TMEM30A: variants seen among roughly 807,000 people sequenced by gnomAD.
TMEM30A encodes the protein cell cycle control protein 50A.
A neutral mutation model predicts 38.2 loss-of-function variants in TMEM30A; 24 were observed. The observed-to-expected ratio is 0.63, with a 90% confidence interval of 0.46 to 0.88. TMEM30A has a LOEUF of 0.88. Ranked by LOEUF, TMEM30A falls within the 40% of genes least tolerant of loss-of-function variation. TMEM30A has a pLI of 0.00. For synonymous variants in TMEM30A, 145 were observed against 161.6 expected (o/e 0.90, Z 0.78); for missense variants, 370 against 458.6 (o/e 0.81, Z 1.77).
chr6:75,262,229 C>A (rs570136473), intron 3 of TMEM30A, among the ~76,000 whole-genome samples: 1 of 152,092 alleles, frequency 6.6e-6, no homozygotes, highest in Non-Finnish European at 1.5e-5. Flanking sequence ...CACCTTTAGT[C>A]CCAACTACTT....
In TMEM30A at chr6:75,267,746, A is replaced by C. The variant is rs1327863680; in HGVS notation, c.240T>G (p.Ile80Met). ...TGGAAGGCTCTGTTCCGGTATAATCAATCTGCAAGAGAAAAATATAACTAA... is the reference window on the plus strand; with the variant it reads ...TGGAAGGCTCTGTTCCGGTATAATCCATCTGCAAGAGAAAAATATAACTAA... ...VTSNNIREIE[I>M]DYTGTEPSSP... Residue 80 changes from isoleucine (I) to methionine (M), a missense_variant and splice_region_variant, in exon 2 of 7, where the codon ATT becomes ATG. Ile to Met is a conservative substitution (Grantham distance 10). Transcript: ENST00000230461. 1 of 1,587,436 alleles carries C rather than the reference A, an allele frequency of 6.3e-7. No homozygotes were observed. The highest frequency in any genetic ancestry group is 8.6e-7 in the Non-Finnish European group (1 of 1,167,084).
intron 1 of TMEM30A, among the ~76,000 whole-genome samples, 163 bp from the exon 2 acceptor site, chr6:75,267,911 A>C (rs187541963): frequency 6.6e-6 from 1 of 152,336 alleles, no homozygotes. Context: ...TGAGGTAGTA[A>C]AAACTGGAAA....
In TMEM30A at chr6:75,265,228, TA is replaced by T. The variant is rs1352266058; in HGVS notation, c.453+2del. ...ATATTTTCATATTTATCATTTTACT[TA>T]CAAGCAAAGCACTAGAATCTCCATT... is the stretch of plus-strand genomic sequence containing the variant. On this transcript the variant is annotated splice_donor_variant, in intron 3 of 6. Transcript: ENST00000230461. LOFTEE classifies it high-confidence loss of function. 6.4e-6 allele frequency: 10 copies of T among 1,551,032 alleles called. No individual in the cohort carries two copies. Among genetic ancestry groups the T allele is most frequent in the Non-Finnish European group, 7.9e-6 (9 of 1,133,476 alleles).
chr6:75,256,620 C>T, intron 6 of TMEM30A: 1 of 358,592 alleles, frequency 2.8e-6, no homozygotes, highest in Non-Finnish European at 5.3e-6. Context: ...GAAAAAAATA[C>T]TTCAAGTGAA....
intron 1 of TMEM30A, 129 bp downstream of exon 1, chr6:75,284,273 G>C: frequency 1.2e-6 from 1 of 834,194 alleles, no homozygotes; most frequent in Non-Finnish European, 2.0e-6. Flanking sequence ...GAAACAGAGG[G>C]AAGGGGGTGG....
At chr6:75,281,918 C>T (rs1311753522) in intron 1 of TMEM30A, among the ~76,000 whole-genome samples, 1 of 152,128 alleles carries the variant, frequency 6.6e-6, no homozygotes, top group Non-Finnish European at 1.5e-5. Context: ...AGACACAATT[C>T]AGAAGCATTT....
intron 6 of TMEM30A, among the ~76,000 whole-genome samples, chr6:75,257,198 GATACAGTATCAAA>G (rs1341292557): frequency 1.3e-5 from 2 of 152,050 alleles, no homozygotes; most frequent in Non-Finnish European, 2.9e-5. Flanking sequence ...CATTCTGTGG[GATACAGTATCAAA>G]TTACCCATGC....
intron 1 of TMEM30A, among the ~76,000 whole-genome samples, chr6:75,268,722 G>A (rs1772113713): frequency 6.6e-6 from 1 of 152,180 alleles, no homozygotes; most frequent in South Asian, 2.1e-4. Context: ...TCTGAAGTGA[G>A]GGAAATCTTA....
chr6:75,279,829 T>G (rs1772328087), intron 1 of TMEM30A, among the ~76,000 whole-genome samples: 1 of 152,198 alleles, frequency 6.6e-6, no homozygotes, highest in South Asian at 2.1e-4. Flanking sequence ...GGAAAACGAC[T>G]GGAAAACTTC....
rs1267754067 is a variant in TMEM30A, at chr6:75,284,735, C to G, written c.-97G>C. The G allele has an allele frequency of 8.0e-7, 1 of 1,254,522 alleles. No homozygotes were observed. Among genetic ancestry groups the G allele is most frequent in the Non-Finnish European group, 1.1e-6 (1 of 872,146 alleles). The allele number at this position is 1,254,522 out of a possible 1,614,324, so 77.7% of individuals were successfully genotyped here. ...AACCGCTCGAGCGCCGCTGCCGCCG[C>G]CGCCGCCGCAGCCACCAGCGCCACC... On this transcript the variant is annotated 5_prime_UTR_variant, in exon 1 of 7. Coordinates refer to ENST00000230461, the MANE Select transcript of TMEM30A (RefSeq NM_018247.4).
chr6:75,254,235 G>A lies in TMEM30A; in HGVS notation c.*1867C>T, dbSNP rs381141. The A allele has an allele frequency of 0.92, 139,356 of 152,086 alleles. 64,070 individuals carry two copies. Among genetic ancestry groups the A allele is most frequent in the East Asian group, 0.98 (5,093 of 5,182 alleles). The allele number at this position is 152,086 out of a possible 1,614,324, so 9.4% of individuals were successfully genotyped here. On this transcript the variant is annotated 3_prime_UTR_variant, in exon 7 of 7. Transcript: ENST00000230461. ...CTTTAGCGACATCCTCTGTGCCCCAGTTAGAAAAAGAGTTGCAGGATGGTA... is the reference window on the plus strand; with the variant it reads ...CTTTAGCGACATCCTCTGTGCCCCAATTAGAAAAAGAGTTGCAGGATGGTA...
chr6:75,272,635 A>G (rs429746), intron 1 of TMEM30A: 139,581 of 152,342 alleles, frequency 0.92, 64,166 homozygotes, highest in East Asian at 0.98. Context: ...TTCCATCTTC[A>G]AGGAGCGCCC....
In TMEM30A at chr6:75,255,028, A is replaced by T. The variant is rs1223811351; in HGVS notation, c.*1074T>A. 1.3e-5 allele frequency: 2 copies of T among 152,528 alleles called. No homozygotes were observed. Among genetic ancestry groups the T allele is most frequent in the African/African-American group, 4.8e-5 (2 of 41,452 alleles). The allele number at this position is 152,528 out of a possible 1,614,324, so 9.4% of individuals were successfully genotyped here. A position where few individuals can be genotyped will look rare whatever the true frequency, so the allele number is the denominator to read the frequency against. On this transcript the variant is annotated 3_prime_UTR_variant, in exon 7 of 7. Transcript: ENST00000230461. ...ATGTCTTAGGAAAACCAACCAAAACAATTGGTGCCTTAACTAAAGAGAATG... is the reference window on the plus strand; with the variant it reads ...ATGTCTTAGGAAAACCAACCAAAACTATTGGTGCCTTAACTAAAGAGAATG...
intron 5 of TMEM30A, 59 bp downstream of exon 5, chr6:75,259,288 T>C: frequency 6.6e-7 from 1 of 1,524,636 alleles, no homozygotes; most frequent in Non-Finnish European, 8.8e-7. Context: ...ATAGAAAATT[T>C]AAAATACTTC....
intron 1 of TMEM30A, among the ~76,000 whole-genome samples, chr6:75,276,034 A>G (rs1309304313): frequency 1.3e-5 from 2 of 152,206 alleles, no homozygotes; most frequent in African/African-American, 4.8e-5. Flanking sequence ...CCAACGGTCA[A>G]TTATTGAGTC....
At chr6:75,280,453 T>C (rs1327613556) in intron 1 of TMEM30A, among the ~76,000 whole-genome samples, 1 of 152,014 alleles carries the variant, frequency 6.6e-6, no homozygotes, top group Non-Finnish European at 1.5e-5. Context: ...ATTGATAAAA[T>C]TCAAAATGCA....
At position 75,267,736 on chromosome 6, in the gene TMEM30A, C is replaced by T. The variant is rs1315882073; in HGVS notation, c.250G>A (p.Gly84Arg). The T allele has an allele frequency of 6.3e-6, 10 of 1,596,568 alleles. No homozygotes were observed. Among genetic ancestry groups the T allele is most frequent in the Admixed American group, 3.5e-5 (2 of 57,714 alleles). The change falls in exon 2 of 7, where the codon GGA becomes AGA. Residue 84 changes from glycine (G) to arginine (R), a missense_variant. Coordinates refer to ENST00000230461, the MANE Select transcript of TMEM30A (RefSeq NM_018247.4). ...TTACAGGGACTGGAAGGCTCTGTTC[C>T]GGTATAATCAATCTGCAAGAGAAAA... is the stretch of plus-strand genomic sequence containing the variant. ...NIREIEIDYT[G>R]TEPSSPCNKC...
At chr6:75,257,571 T>C (rs1191078884) in intron 6 of TMEM30A, among the ~76,000 whole-genome samples, 1 of 152,128 alleles carries the variant, frequency 6.6e-6, no homozygotes, top group African/African-American at 2.4e-5. Flanking sequence ...TACTCTCTAG[T>C]TTGACTATCC....
At chr6:75,276,514 G>C (rs1457566929) in intron 1 of TMEM30A, among the ~76,000 whole-genome samples, 1 of 152,018 alleles carries the variant, frequency 6.6e-6, no homozygotes, top group African/African-American at 2.4e-5. Flanking sequence ...CTGTGTGCTG[G>C]AGAATCTGGT....
Sources: allele counts gnomAD v4.1 joint callset (sites outside exome capture counted in the v4.1 genomes callset), GRCh38; gene constraint gnomAD v4.1.1; transcripts MANE v1.5; gene names NCBI Gene and HGNC (gene_info 2026-07-23, HGNC 2026-07-21).